The following SH3D21 variants were observed in gnomAD, a reference collection of about 807,000 sequenced individuals.
The protein encoded by SH3D21 is SH3 domain-containing protein 21.
In SH3D21, 83 loss-of-function variants were observed where a neutral mutation model predicts 82.1. The ratio of observed to expected loss-of-function variants is 1.01; its 90% CI spans 0.85 to 1.21. The LOEUF is 1.21. Among genes scored for constraint, SH3D21 ranks in the 50% most tolerant of loss-of-function variants. The pLI, the probability that SH3D21 is intolerant of heterozygous loss-of-function variation, is 0.00. For missense variants in SH3D21, 980 were observed against 962.1 expected (o/e 1.02, Z -0.25); for synonymous variants, 383 against 387.8 (o/e 0.99, Z 0.15).
chr1:36,306,449 CCT>C lies in SH3D21; in HGVS notation c.4+32_4+33del, dbSNP rs1457498433. ...GGTAAGTGCGGAGGCTTTGAGGTGG[CCT>C]CTCTCTGCAACCGTGGACATAGCAA... On this transcript the variant is annotated intron_variant, in intron 1 of 15. Transcript: ENST00000453908. The surrounding 1 kb of genome is among the most constrained non-coding windows in gnomAD (Gnocchi z 4.5). 1 of 1,305,262 alleles carries C rather than the reference CCT, an allele frequency of 7.7e-7. No homozygotes were observed. The highest frequency in any genetic ancestry group is 1.0e-6 in the Non-Finnish European group (1 of 988,974). 80.9% of individuals were successfully genotyped at this position (1,305,262 alleles called of 1,614,324 possible).
At position 36,319,085 on chromosome 1, in the gene SH3D21, C is replaced by G; in HGVS notation, c.784C>G (p.Pro262Ala). Reference sequence around the variant, plus strand: ...TCTCTTCCCAGCTCCTATTAAGGAACCAAAAAAGTTGATGCCCAAAACATC... The same window carrying G: ...TCTCTTCCCAGCTCCTATTAAGGAAGCAAAAAAGTTGATGCCCAAAACATC... ...VSRESAPIKE[P>A]KKLMPKTSLP... is the part of the protein sequence containing the mutation. The change falls in exon 11 of 16, where the codon CCA becomes GCA. Residue 262 changes from proline (P) to alanine (A), a missense_variant. Physicochemically the swap from Pro to Ala is conservative, Grantham distance 27. Coordinates refer to ENST00000453908, the MANE Select transcript of SH3D21 (RefSeq NM_001162530.2). The G allele has an allele frequency of 6.5e-7, 1 of 1,549,592 alleles. No individual in the cohort carries two copies. The highest frequency in any genetic ancestry group is 8.7e-7 in the Non-Finnish European group (1 of 1,145,160).
chr1:36,321,270 G>A lies in SH3D21; in HGVS notation c.*143G>A, dbSNP rs1646458218. On this transcript the variant is annotated 3_prime_UTR_variant, in exon 16 of 16. Coordinates refer to ENST00000453908, the MANE Select transcript of SH3D21 (RefSeq NM_001162530.2). The surrounding 1 kb of genome is among the most constrained non-coding windows in gnomAD (Gnocchi z 6.1). The stretch of plus-strand genomic sequence containing the variant: ...GTCGCTGGGGGCGGGGCCTGCGCGG[G>A]GGCAGGGCCTGGGCCTCCGCATTCC... 1 of 1,458,986 alleles carries A rather than the reference G, an allele frequency of 6.9e-7. No individual in the cohort carries two copies. Among genetic ancestry groups the A allele is most frequent in the South Asian group, 1.4e-5 (1 of 70,932 alleles). The allele number at this position is 1,458,986 out of a possible 1,614,324, so 90.4% of individuals were successfully genotyped here. A position where few individuals can be genotyped will look rare whatever the true frequency, so the allele number is the denominator to read the frequency against.
downstream of SH3D21, chr1:36,327,901 C>T: frequency 7.8e-7 from 1 of 1,283,214 alleles, no homozygotes; most frequent in Non-Finnish European, 1.0e-6. Flanking sequence ...GCCTGCTGCT[C>T]CCCAGCCCAC....
At position 36,321,275 on chromosome 1, in the gene SH3D21, G is replaced by A; in HGVS notation, c.*148G>A. On this transcript the variant is annotated 3_prime_UTR_variant, in exon 16 of 16. Coordinates refer to ENST00000453908, the MANE Select transcript of SH3D21 (RefSeq NM_001162530.2). This position sits in a 1 kb window ranked among gnomAD's most constrained non-coding sequence, Gnocchi z 6.1. Reference sequence around the variant, plus strand: ...TGGGGGCGGGGCCTGCGCGGGGGCAGGGCCTGGGCCTCCGCATTCCTGACG... The same window carrying A: ...TGGGGGCGGGGCCTGCGCGGGGGCAAGGCCTGGGCCTCCGCATTCCTGACG... 2 of 1,449,414 alleles carry A rather than the reference G, an allele frequency of 1.4e-6. No individual in the cohort carries two copies. The highest frequency in any genetic ancestry group is 1.8e-6 in the Non-Finnish European group (2 of 1,106,502). The allele number at this position is 1,449,414 out of a possible 1,614,324, so 89.8% of individuals were successfully genotyped here. A position where few individuals can be genotyped will look rare whatever the true frequency, so the allele number is the denominator to read the frequency against.
At chr1:36,313,396 C>G (rs1646278588) in intron 10 of SH3D21, among the ~76,000 whole-genome samples, 1 of 151,554 alleles carries the variant, frequency 6.6e-6, no homozygotes, top group African/African-American at 2.4e-5. Context: ...TAAAACTTGT[C>G]TGTAAATTCA....
At chr1:36,326,084 GTGTC>G (rs760017234), downstream of SH3D21, among the ~76,000 whole-genome samples, 24 of 152,316 alleles carry the variant, frequency 1.6e-4, no homozygotes, top group East Asian at 4.1e-3. Flanking sequence ...TCTGGGGAGA[GTGTC>G]TGGGCAGGAG....
chr1:36,322,118 C>A, downstream of SH3D21: 1 of 1,354,024 alleles, frequency 7.4e-7, no homozygotes, highest in Middle Eastern at 2.7e-4. Context: ...GCTGCCCCCT[C>A]CCCGCCCCCG....
At position 36,309,686 on chromosome 1, in the gene SH3D21, A is replaced by G. The variant is rs920327492; in HGVS notation, c.769+96A>G. Reference sequence around the variant, plus strand: ...ACCCACAGCACCCCAGTGGTCCAGTATGCCCCTATAGGAGCCCCCTCACCT... The same window carrying G: ...ACCCACAGCACCCCAGTGGTCCAGTGTGCCCCTATAGGAGCCCCCTCACCT... On this transcript the variant is annotated intron_variant, in intron 10 of 15. Transcript: ENST00000453908. The G allele has an allele frequency of 2.5e-5, 35 of 1,392,880 alleles. No individual in the cohort carries two copies. The African/African-American group carries it at 4.6e-4, about 18-fold the overall frequency. 86.3% of individuals were successfully genotyped at this position (1,392,880 alleles called of 1,614,324 possible). A position where few individuals can be genotyped will look rare whatever the true frequency, so the allele number is the denominator to read the frequency against.
rs1200448782 is a variant in SH3D21, at chr1:36,307,026, T to C, written c.226+121T>C. On this transcript the variant is annotated intron_variant, in intron 3 of 15. Transcript: ENST00000453908. This position sits in a 1 kb window ranked among gnomAD's most constrained non-coding sequence, Gnocchi z 5.4. ...GCGGGACCTCGGGGCCGCCCTGCGGTCTGTGATTGGTTCTCGAGTGCAATG... is the reference window on the plus strand; with the variant it reads ...GCGGGACCTCGGGGCCGCCCTGCGGCCTGTGATTGGTTCTCGAGTGCAATG... 6.3e-6 allele frequency: 9 copies of C among 1,436,482 alleles called. No homozygotes were observed. The highest frequency in any genetic ancestry group is 1.4e-5 in the African/African-American group (1 of 69,262). The allele number at this position is 1,436,482 out of a possible 1,614,324, so 89.0% of individuals were successfully genotyped here.
rs1352446489 is a variant in SH3D21, at chr1:36,320,968, G to A, written c.2189G>A (p.Arg730Gln). 9 of 1,570,154 alleles carry A rather than the reference G, an allele frequency of 5.7e-6. No individual in the cohort carries two copies. Among genetic ancestry groups the A allele is most frequent in the Admixed American group, 1.9e-5 (1 of 52,690 alleles). ...EELKSEKEQRRRLEVQVMQGT... is the reference protein window; with the variant it reads ...EELKSEKEQRQRLEVQVMQGT... ...CTGAAGAGCGAGAAGGAGCAGCGCCGGCGGCTGGAGGTGAGGCGCGGGTCC... is the reference window on the plus strand; with the variant it reads ...CTGAAGAGCGAGAAGGAGCAGCGCCAGCGGCTGGAGGTGAGGCGCGGGTCC... The change falls in exon 15 of 16, where the codon CGG (arginine) becomes CAG (glutamine). Residue 730 changes from arginine (R) to glutamine (Q), a missense_variant. Transcript: ENST00000453908.
chr1:36,324,138 A>G (rs954723814), downstream of SH3D21: 4 of 152,124 alleles, frequency 2.6e-5, no homozygotes, highest in African/African-American at 9.7e-5. Context: ...CCCTCCTTCC[A>G]GGGCCCAGGC....
At chr1:36,320,870 C>T in intron 14 of SH3D21, 45 bp from the exon 15 acceptor site, 6 of 1,551,604 alleles carry the variant, frequency 3.9e-6, no homozygotes, top group Non-Finnish European at 5.2e-6. Context: ...CCCCTCACCT[C>T]CAGCCCTCAC....
chr1:36,314,120 C>T (rs1309103196), intron 10 of SH3D21, among the ~76,000 whole-genome samples: 5 of 150,514 alleles, frequency 3.3e-5, no homozygotes, highest in Non-Finnish European at 7.4e-5. Flanking sequence ...GGACTACAGG[C>T]GCCCGCCACC....
chr1:36,306,892 T>C lies in SH3D21; in HGVS notation c.213T>C (p.Cys71=). Residue 71 remains cysteine (C), a synonymous_variant, in exon 3 of 16, where the codon TGT becomes TGC. Transcript: ENST00000453908. The surrounding 1 kb of genome is among the most constrained non-coding windows in gnomAD (Gnocchi z 4.5). The part of the protein sequence containing the change: ...RGSGEARRPR[C]ARRRGHPAKH... ...CCGGAGAGGCGCGGAGGCCGCGCTG[T>C]GCGCGCCGCCGAGGTGAGCGCAAGG... 1 of 1,311,916 alleles carries C rather than the reference T, an allele frequency of 7.6e-7. No homozygotes were observed. Among genetic ancestry groups the C allele is most frequent in the East Asian group, 5.3e-5 (1 of 18,770 alleles). The allele number at this position is 1,311,916 out of a possible 1,614,324, so 81.3% of individuals were successfully genotyped here. A position where few individuals can be genotyped will look rare whatever the true frequency, so the allele number is the denominator to read the frequency against.
At chr1:36,312,774 G>A (rs1429942487) in intron 10 of SH3D21, among the ~76,000 whole-genome samples, 4 of 152,106 alleles carry the variant, frequency 2.6e-5, no homozygotes, top group African/African-American at 7.2e-5. Context: ...GCAGTGGCGC[G>A]ATCTCAGCTC....
At position 36,320,702 on chromosome 1, in the gene SH3D21, A is replaced by G. The variant is rs142091855; in HGVS notation, c.2039A>G (p.Tyr680Cys). ...LALPSLVPQN[Y>C]TENKNEGVDV... Reference sequence around the variant, plus strand: ...CTCCCCTCGCTGGTCCCGCAAAACTACACGGAAAACAAGAATGAAGGAGTT... The same window carrying G: ...CTCCCCTCGCTGGTCCCGCAAAACTGCACGGAAAACAAGAATGAAGGAGTT... Residue 680 changes from tyrosine (Y) to cysteine (C), a missense_variant, in exon 14 of 16, where the codon TAC becomes TGC. Tyr to Cys is a radical substitution (Grantham distance 194). Coordinates refer to ENST00000453908, the MANE Select transcript of SH3D21 (RefSeq NM_001162530.2). 2.6e-4 allele frequency: 426 copies of G among 1,614,098 alleles called. 2 individuals are homozygous for G. In the African/African-American group the frequency reaches 4.4e-3, roughly 17 times the overall value.
downstream of SH3D21, chr1:36,329,208 A>C (rs1217746534): frequency 6.6e-6 from 1 of 152,232 alleles, no homozygotes; most frequent in Non-Finnish European, 1.5e-5. Context: ...ATAAGAAATA[A>C]AAGGTAATGA....
At chr1:36,314,855 A>G (rs1347034342) in intron 10 of SH3D21, among the ~76,000 whole-genome samples, 1 of 152,098 alleles carries the variant, frequency 6.6e-6, no homozygotes, top group Non-Finnish European at 1.5e-5. Context: ...TCAAATCCCA[A>G]GATTACACTC....
intron 10 of SH3D21, among the ~76,000 whole-genome samples, chr1:36,318,675 A>C (rs1030659668): frequency 6.6e-6 from 1 of 152,024 alleles, no homozygotes; most frequent in Non-Finnish European, 1.5e-5. Context: ...TGGGAGGCCA[A>C]GGCAGGTGGA....
Sources: gnomAD v4.1 joint callset for allele counts (sites outside exome capture counted in the v4.1 genomes callset) on GRCh38, gnomAD v4.1.1 for gene constraint, Gnocchi (gnomAD v3.1) non-coding constraint, MANE v1.5 for transcripts, NCBI Gene and HGNC (gene_info 2026-07-23, HGNC 2026-07-21) for gene names.